Variants in PSPH observed in about 807,000 individuals in gnomAD.
PSPH encodes the protein L-3-phosphoserine phosphatase.
PSPH carries 16 observed loss-of-function variants against 23.4 expected under a neutral mutation model. The ratio of observed to expected loss-of-function variants is 0.68; its 90% CI spans 0.46 to 1.04. The LOEUF (loss-of-function observed/expected upper bound fraction) is 1.04, where lower values mean the gene tolerates loss of function less well. Ranked by LOEUF, PSPH falls within the 50% of genes least tolerant of loss-of-function variation. PSPH has a pLI of 0.00. For synonymous variants in PSPH, 68 were observed against 99.7 expected, an observed-to-expected ratio of 0.68 and a Z score of 1.89; for missense variants, 223 against 273.7, an observed-to-expected ratio of 0.81 and a Z score of 1.31.
intron 4 of PSPH, 102 bp downstream of exon 4, chr7:56,020,971 C>T: frequency 7.3e-7 from 1 of 1,370,554 alleles, no homozygotes; most frequent in Admixed American, 1.8e-5. Flanking sequence ...AAGAAAAAGC[C>T]TAGTGCAAAT....
chr7:56,029,752 G>T (rs1252947067), intron 3 of PSPH, among the ~76,000 whole-genome samples: 1 of 152,108 alleles, frequency 6.6e-6, no homozygotes, highest in Non-Finnish European at 1.5e-5. Context: ...ATAAAAGCCT[G>T]TACAGAGTTG....
chr7:56,023,583 T>C (rs1789764900), intron 3 of PSPH, among the ~76,000 whole-genome samples: 1 of 151,970 alleles, frequency 6.6e-6, no homozygotes, highest in Admixed American at 6.6e-5. Context: ...AGAAAATCTT[T>C]GGACTAGAAT....
intron 1 of PSPH, among the ~76,000 whole-genome samples, chr7:56,045,776 C>T (rs960207128): frequency 6.6e-6 from 1 of 150,884 alleles, no homozygotes; most frequent in Admixed American, 6.7e-5. Flanking sequence ...GTCCCAGCTA[C>T]TCAGGAGGTT....
At chr7:56,048,886 T>C (rs1233246311) in intron 1 of PSPH, among the ~76,000 whole-genome samples, 1 of 151,328 alleles carries the variant, frequency 6.6e-6, no homozygotes, top group Non-Finnish European at 1.5e-5. Context: ...GGTGGTTTGC[T>C]GCACCCTTCA....
At chr7:56,039,604 C>A (rs772868734) in intron 1 of PSPH, among the ~76,000 whole-genome samples, 1 of 150,580 alleles carries the variant, frequency 6.6e-6, no homozygotes, top group African/African-American at 2.4e-5. Flanking sequence ...GGTGAAAGCC[C>A]ATCTCTACTA....
chr7:56,037,470 G>A (rs1791867912), intron 1 of PSPH, among the ~76,000 whole-genome samples: 1 of 150,644 alleles, frequency 6.6e-6, no homozygotes, highest in African/African-American at 2.4e-5. Flanking sequence ...CCAGGCTGAA[G>A]TGCAGTGGCA....
chr7:56,042,068 C>G (rs184877599), intron 1 of PSPH, among the ~76,000 whole-genome samples: 1 of 151,916 alleles, frequency 6.6e-6, no homozygotes, highest in African/African-American at 2.4e-5. Flanking sequence ...ACTAAAACTA[C>G]AAAAATTACC....
Position 56,035,757 on chromosome 7 carries a change from T to C in PSPH, c.-291-1651A>G, listed in dbSNP as rs140726598. Reference sequence around the variant, plus strand: ...GCCTCAACCTCCCCAGTAGCTGGGATTACAAGCGCACACTACCGTGCCCAG... The same window carrying C: ...GCCTCAACCTCCCCAGTAGCTGGGACTACAAGCGCACACTACCGTGCCCAG... On this transcript the variant is annotated intron_variant, in intron 1 of 7. Transcript: ENST00000275605. 8.6e-5 allele frequency among the ~76,000 whole-genome samples: 13 copies of C among 152,020 alleles called. No individual in the cohort carries two copies. In the East Asian group the frequency reaches 2.6e-3, roughly 30 times the overall value.
chr7:56,037,437 T>C (rs1288288522), intron 1 of PSPH, among the ~76,000 whole-genome samples: 1 of 152,054 alleles, frequency 6.6e-6, no homozygotes, highest in African/African-American at 2.4e-5. Flanking sequence ...TTTTTTTCTT[T>C]TGAGGCAGGG....
chr7:56,018,400 C>T (rs1030058959), intron 5 of PSPH, among the ~76,000 whole-genome samples: 5 of 151,974 alleles, frequency 3.3e-5, no homozygotes, highest in African/African-American at 4.8e-5. Flanking sequence ...TTTAGGAAAC[C>T]GTTCCAGAAC....
chr7:56,037,706 ATTT>A (rs71015167), intron 1 of PSPH, among the ~76,000 whole-genome samples: 2 of 115,312 alleles, frequency 1.7e-5, no homozygotes, highest in African/African-American at 3.3e-5. Context: ...AAGCTAACAA[ATTT>A]TTTTTTTTTT....
At position 56,030,627 on chromosome 7, in the gene PSPH, G is replaced by A. The variant is rs139008829; in HGVS notation, c.-20+1302C>T. ...AAAACACACAGTGATGGCCAGGTGC[G>A]GTGGCTCACAGCTGTAATCCCAGCA... On this transcript the variant is annotated intron_variant, in intron 3 of 7. Transcript: ENST00000275605. Among the ~76,000 whole-genome samples, 1,181 of 152,196 alleles carry A rather than the reference G, an allele frequency of 7.8e-3. 12 individuals are homozygous for A. Among genetic ancestry groups the A allele is most frequent in the African/African-American group, 0.026 (1,094 of 41,514 alleles).
chr7:56,028,828 A>G (rs943661072), intron 3 of PSPH, among the ~76,000 whole-genome samples: 2 of 151,504 alleles, frequency 1.3e-5, no homozygotes, highest in East Asian at 1.9e-4. Context: ...TTTTATTTTT[A>G]CTTTTTTTGA....
At chr7:56,012,010 A>G (rs1284635960) in intron 7 of PSPH, 141 bp from the exon 8 acceptor site, 1 of 684,030 alleles carries the variant, frequency 1.5e-6, no homozygotes, top group Non-Finnish European at 2.5e-6. Context: ...GGTTCAAGTG[A>G]TTCTCATGCC....
rs374366346 is a variant in PSPH at position 56,011,740 on chromosome 7, T to C, written c.*22A>G. ...TTGTAAAAATTCATCTGAAGTTGTT[T>C]GGAGCTGTACGACAATGGATGTTAT... On this transcript the variant is annotated 3_prime_UTR_variant, in exon 8 of 8. Transcript: ENST00000275605. 20 of 1,565,986 alleles carry C rather than the reference T, an allele frequency of 1.3e-5. No homozygotes were observed. Among genetic ancestry groups the C allele is most frequent in the Non-Finnish European group, 1.8e-6 (2 of 1,136,424 alleles).
intron 1 of PSPH, among the ~76,000 whole-genome samples, chr7:56,042,814 T>C (rs1219224782): frequency 2.0e-5 from 3 of 151,816 alleles, no homozygotes; most frequent in African/African-American, 7.3e-5. Context: ...TGAGACACCA[T>C]CTCCAAAAAA....
Position 56,011,726 on chromosome 7 carries a change from C to T in PSPH, c.*36G>A, listed in dbSNP as rs762540857. 5.3e-6 allele frequency: 8 copies of T among 1,514,026 alleles called. No individual in the cohort carries two copies. The highest frequency in any genetic ancestry group is 2.3e-5 in the East Asian group (1 of 44,272). The allele number at this position is 1,514,026 out of a possible 1,614,324, so 93.8% of individuals were successfully genotyped here. ...TCAATCTGTATAACTTGTAAAAATT[C>T]ATCTGAAGTTGTTTGGAGCTGTACG... is the stretch of plus-strand genomic sequence containing the variant. On this transcript the variant is annotated 3_prime_UTR_variant, in exon 8 of 8. Coordinates refer to ENST00000275605, the MANE Select transcript of PSPH (RefSeq NM_004577.4).
chr7:56,038,922 T>C (rs976187886), intron 1 of PSPH, among the ~76,000 whole-genome samples: 2 of 151,986 alleles, frequency 1.3e-5, no homozygotes, highest in Admixed American at 1.3e-4. Context: ...GGCGGGCAGA[T>C]CACCTGAGGT....
At chr7:56,048,146 G>C (rs1230883942) in intron 1 of PSPH, among the ~76,000 whole-genome samples, 1 of 152,070 alleles carries the variant, frequency 6.6e-6, no homozygotes, top group Non-Finnish European at 1.5e-5. Flanking sequence ...CGGCATGGTG[G>C]TGGGTGCCTG....
Sources: gnomAD v4.1 joint callset for allele counts (sites outside exome capture counted in the v4.1 genomes callset) on GRCh38, gnomAD v4.1.1 for gene constraint, MANE v1.5 for transcripts, NCBI Gene and HGNC (gene_info 2026-07-23, HGNC 2026-07-21) for gene names.